USP20: variants seen among roughly 807,000 people sequenced by gnomAD.
USP20 encodes the protein ubiquitin carboxyl-terminal hydrolase 20.
USP20 carries 80 observed loss-of-function variants against 124.2 expected under a neutral mutation model. That is an observed-to-expected ratio of 0.64 (90% confidence interval 0.54 to 0.78). The LOEUF is 0.78. USP20 is among the 30% of genes least tolerant of loss of function. The pLI, the probability that USP20 is intolerant of heterozygous loss-of-function variation, is 0.00. For missense variants in USP20, 1,043 were observed against 1,244.4 expected (o/e 0.84, Z 2.44); for synonymous variants, 481 against 512.3 (o/e 0.94, Z 0.83).
rs2032050503 is a variant in USP20 at position 129,839,203 on chromosome 9, C to T, written c.-129+3704C>T. On this transcript the variant is annotated intron_variant, in intron 1 of 25. Transcript: ENST00000372429. The surrounding 1 kb of genome is among the most constrained non-coding windows in gnomAD (Gnocchi z 4.5). ...GTGACCTTAGCCAGTTATTCCACTT[C>T]TCTGAGCCTCGGTGTCTCCATTGTT... Among the ~76,000 whole-genome samples the T allele has an allele frequency of 6.6e-6, 1 of 152,170 alleles. No homozygotes were observed.
At chr9:129,871,799 C>T (rs895501635) in intron 15 of USP20, among the ~76,000 whole-genome samples, 1 of 152,108 alleles carries the variant, frequency 6.6e-6, no homozygotes, top group African/African-American at 2.4e-5. Flanking sequence ...TTATTGCAAC[C>T]TCCACCTCCT....
intron 10 of USP20, among the ~76,000 whole-genome samples, chr9:129,865,672 GGGGGA>G (rs1366090371): frequency 6.6e-6 from 1 of 151,986 alleles, no homozygotes; most frequent in Non-Finnish European, 1.5e-5. Context: ...TTTTTTTTGT[GGGGGA>G]GGGTGGGTAC....
At chr9:129,863,139 A>ATG (rs1564209200) in intron 8 of USP20, 47 bp from the exon 9 acceptor site, 9 of 1,437,536 alleles carry the variant, frequency 6.3e-6, no homozygotes, top group African/African-American at 5.7e-5. Context: ...AAACTGCCGC[A>ATG]TGCCTCATTT....
At chr9:129,849,041 G>A (rs1453787591) in intron 1 of USP20, among the ~76,000 whole-genome samples, 1 of 152,210 alleles carries the variant, frequency 6.6e-6, no homozygotes, top group Non-Finnish European at 1.5e-5. Flanking sequence ...AACACTTGAG[G>A]GTCGGGGGTT....
chr9:129,861,830 G>A (rs772088907), intron 8 of USP20, among the ~76,000 whole-genome samples: 10 of 152,220 alleles, frequency 6.6e-5, no homozygotes, highest in Non-Finnish European at 1.3e-4. Flanking sequence ...CGTGCAAGGA[G>A]GCTCAGTGCT....
At chr9:129,878,956 G>A (rs997598986) in intron 23 of USP20, among the ~76,000 whole-genome samples, 2 of 152,230 alleles carry the variant, frequency 1.3e-5, no homozygotes, top group African/African-American at 2.4e-5. Context: ...CGGCAGGGTG[G>A]GTAGAGCCCA....
At chr9:129,871,908 G>A (rs2034146633) in intron 15 of USP20, among the ~76,000 whole-genome samples, 3 of 152,002 alleles carry the variant, frequency 2.0e-5, no homozygotes, top group South Asian at 4.2e-4. Context: ...GTAGAATGGG[G>A]TTTCACCATG....
At chr9:129,852,783 T>A in intron 3 of USP20, 147 bp downstream of exon 3, 1 of 819,100 alleles carries the variant, frequency 1.2e-6, no homozygotes, top group Non-Finnish European at 1.9e-6. Context: ...GGCATCTGCT[T>A]GGGAGGCCGC....
At chr9:129,878,823 G>C (rs947149495) in intron 23 of USP20, among the ~76,000 whole-genome samples, 8 of 152,228 alleles carry the variant, frequency 5.3e-5, no homozygotes, top group Non-Finnish European at 1.0e-4. Context: ...GGTCCCCCAA[G>C]TCCCCAGTGA....
intron 1 of USP20, among the ~76,000 whole-genome samples, chr9:129,849,319 G>A (rs2032767480): frequency 6.6e-6 from 1 of 152,328 alleles, no homozygotes; most frequent in East Asian, 1.9e-4. Context: ...TGGCCAGCTG[G>A]CCCAGGAGTG....
intron 1 of USP20, among the ~76,000 whole-genome samples, chr9:129,840,896 G>A (rs1588236168): frequency 6.7e-6 from 1 of 149,890 alleles, no homozygotes; most frequent in South Asian, 2.1e-4. Flanking sequence ...TCAGCCTCCC[G>A]AGTAGCTGGG....
At chr9:129,869,523 C>T (rs1243803551) in intron 13 of USP20, 98 bp downstream of exon 13, 11 of 1,530,850 alleles carry the variant, frequency 7.2e-6, no homozygotes, top group Non-Finnish European at 9.9e-6. Context: ...CACGGGTGCT[C>T]CCTGCTTTTA....
rs781264175 is a variant in USP20, at chr9:129,878,367, G to A, written c.2439G>A (p.Ser813=). The change falls in exon 23 of 26, where the codon TCG becomes TCA. Residue 813 remains serine (S), a synonymous_variant. Transcript: ENST00000372429. The part of the protein sequence containing the change: ...KLNKAFQAEE[S]PGVIYCISMQ... ...ACAAGGCCTTCCAGGCCGAGGAGTCGCCGGGCGTCATCTACTGCATCAGCA... is the reference window on the plus strand; with the variant it reads ...ACAAGGCCTTCCAGGCCGAGGAGTCACCGGGCGTCATCTACTGCATCAGCA... 49 of 1,604,394 alleles carry A rather than the reference G, an allele frequency of 3.1e-5. No homozygotes were observed. The highest frequency in any genetic ancestry group is 1.7e-4 in the Middle Eastern group (1 of 6,034).
chr9:129,869,556 G>A lies in USP20; in HGVS notation c.1393-116G>A, dbSNP rs780635948. On this transcript the variant is annotated intron_variant, in intron 13 of 25. Transcript: ENST00000372429. ...TTATCCAGGGGAGGGCCCTGCCTGC[G>A]TGGATCCCGTGTCTATGGCCTGGGG... 1.0e-5 allele frequency: 16 copies of A among 1,534,614 alleles called. 1 individual carries two copies. Among genetic ancestry groups the A allele is most frequent in the South Asian group, 2.4e-5 (2 of 84,424 alleles).
intron 4 of USP20, among the ~76,000 whole-genome samples, chr9:129,856,568 A>G (rs1271196537): frequency 6.6e-6 from 1 of 152,244 alleles, no homozygotes; most frequent in Non-Finnish European, 1.5e-5. Flanking sequence ...TAAAAATGAC[A>G]GGAGAAAAAA....
chr9:129,846,868 C>A (rs531157860), intron 1 of USP20, among the ~76,000 whole-genome samples: 42 of 152,228 alleles, frequency 2.8e-4, no homozygotes, highest in South Asian at 1.2e-3. Flanking sequence ...CTCAAGTGAT[C>A]CGCCTGCCTC....
rs1354609165 is a variant in USP20 at position 129,879,018 on chromosome 9, T to TG, written c.2513-552dup. 6.6e-6 allele frequency among the ~76,000 whole-genome samples: 1 copy of TG among 152,170 alleles called. No homozygotes were observed. ...TGGAGCATGAGCACCCACCTGTGCT[T>TG]GGGAAGGGAGGCCTCATTGCCATCC... On this transcript the variant is annotated intron_variant, in intron 23 of 25. Transcript: ENST00000372429. The surrounding 1 kb of genome is among the most constrained non-coding windows in gnomAD (Gnocchi z 4.2).
At chr9:129,875,700 AAG>A in intron 21 of USP20, 59 bp downstream of exon 21, 6 of 1,555,868 alleles carry the variant, frequency 3.9e-6, no homozygotes, top group South Asian at 2.2e-5. Context: ...TGGGCAGGAA[AAG>A]AGGGGAGGGC....
rs75051857 is a variant in USP20, at chr9:129,881,541, A to C, written c.*1091A>C. 1 of 152,280 alleles carries C rather than the reference A, an allele frequency of 6.6e-6. No individual in the cohort carries two copies. Among genetic ancestry groups the C allele is most frequent in the African/African-American group, 2.4e-5 (1 of 41,474 alleles). The allele number at this position is 152,280 out of a possible 1,614,324, so 9.4% of individuals were successfully genotyped here. A position where few individuals can be genotyped will look rare whatever the true frequency, so the allele number is the denominator to read the frequency against. Reference sequence around the variant, plus strand: ...CCCACACTACTGCGTCTTTGTTTCTATCAGTCTTTGTAGAAGCAGGTGGTG... The same window carrying C: ...CCCACACTACTGCGTCTTTGTTTCTCTCAGTCTTTGTAGAAGCAGGTGGTG... On this transcript the variant is annotated 3_prime_UTR_variant, in exon 26 of 26. Transcript: ENST00000372429.
Sources: gnomAD v4.1 joint callset for allele counts (sites outside exome capture counted in the v4.1 genomes callset) on GRCh38, gnomAD v4.1.1 for gene constraint, Gnocchi (gnomAD v3.1) non-coding constraint, MANE v1.5 for transcripts, NCBI Gene and HGNC (gene_info 2026-07-23, HGNC 2026-07-21) for gene names.